CCSER1: variants seen among roughly 807,000 people sequenced by gnomAD.
The protein encoded by CCSER1 is serine-rich coiled-coil domain-containing protein 1.
In CCSER1, 41 loss-of-function variants were observed where a neutral mutation model predicts 82.0. The ratio of observed to expected loss-of-function variants is 0.50; its 90% CI spans 0.39 to 0.65. The LOEUF (loss-of-function observed/expected upper bound fraction) is 0.65, where lower values mean the gene tolerates loss of function less well. Ranked by LOEUF, CCSER1 falls within the 30% of genes least tolerant of loss-of-function variation. CCSER1 has a pLI of 0.00. For missense variants in CCSER1, 1,119 were observed against 1,064.2 expected, an observed-to-expected ratio of 1.05 and a Z score of -0.72; for synonymous variants, 414 against 383.9, an observed-to-expected ratio of 1.08 and a Z score of -0.92.
chr4:91,325,028 G>A (rs1431599430), intron 10 of CCSER1: 3 of 373,880 alleles, frequency 8.0e-6, no homozygotes, highest in Admixed American at 7.2e-5. Flanking sequence ...GATAGTGAAT[G>A]GAAATGCAAA....
intron 10 of CCSER1, among the ~76,000 whole-genome samples, chr4:91,263,125 T>C (rs562835863): frequency 3.3e-5 from 5 of 152,206 alleles, no homozygotes; most frequent in Non-Finnish European, 5.9e-5. Context: ...TATGTGTGTA[T>C]AGTTAAATTT....
chr4:90,309,476 G>C lies in CCSER1; in HGVS notation c.1192G>C (p.Glu398Gln). ...CTCCCCAAGGAAACTTGGATTTTAT[G>C]AGCAACATAAAGCAATAGCGGAACA... ...TNSPRKLGFY[E>Q]QHKAIAEHVK... The change falls in exon 2 of 11, where the codon GAG (glutamate) becomes CAG (glutamine). Residue 398 changes from glutamate (E) to glutamine (Q), a missense_variant. By Grantham distance (29) the Glu-to-Gln change is conservative. Transcript: ENST00000509176. 1 of 1,613,834 alleles carries C rather than the reference G, an allele frequency of 6.2e-7. No individual in the cohort carries two copies.
At chr4:91,391,660 C>T (rs1751659170) in intron 10 of CCSER1, among the ~76,000 whole-genome samples, 1 of 152,136 alleles carries the variant, frequency 6.6e-6, no homozygotes, top group East Asian at 1.9e-4. Flanking sequence ...GATTTGCCAG[C>T]AGTCTGTTGC....
intron 3 of CCSER1, among the ~76,000 whole-genome samples, chr4:90,384,124 C>T (rs28684094): frequency 0.37 from 55,243 of 151,186 alleles, 10,597 homozygotes; most frequent in African/African-American, 0.47. Context: ...TTGGTGCAAT[C>T]ATTTTATTTT....
At chr4:90,273,747 T>C (rs578213429) in intron 1 of CCSER1, among the ~76,000 whole-genome samples, 11 of 152,150 alleles carry the variant, frequency 7.2e-5, no homozygotes, top group African/African-American at 2.6e-4. Context: ...CAAGCCAAAC[T>C]AGTAGGGATA....
At chr4:90,370,931 G>A (rs1317364334) in intron 3 of CCSER1, among the ~76,000 whole-genome samples, 1 of 151,840 alleles carries the variant, frequency 6.6e-6, no homozygotes, top group East Asian at 1.9e-4. Context: ...ATTAACATTG[G>A]CTTAAATGGC....
intron 6 of CCSER1, among the ~76,000 whole-genome samples, chr4:90,687,493 C>G (rs1735037800): frequency 6.6e-6 from 1 of 151,932 alleles, no homozygotes; most frequent in Non-Finnish European, 1.5e-5. Context: ...GTGACAGCCT[C>G]TTTTGGAAAC....
At chr4:90,781,917 G>A (rs551721052) in intron 7 of CCSER1, 14 of 927,598 alleles carry the variant, frequency 1.5e-5, no homozygotes, top group East Asian at 2.3e-4. Context: ...AGATAAAATC[G>A]TATTGAAGAG....
At chr4:91,197,269 T>C (rs577396647) in intron 10 of CCSER1, among the ~76,000 whole-genome samples, 5 of 152,340 alleles carry the variant, frequency 3.3e-5, no homozygotes, top group African/African-American at 4.8e-5. Flanking sequence ...CTTTTCTCAA[T>C]TGAAGCCTTA....
At chr4:91,040,552 G>A (rs1412975708) in intron 9 of CCSER1, among the ~76,000 whole-genome samples, 1 of 152,312 alleles carries the variant, frequency 6.6e-6, no homozygotes, top group South Asian at 2.1e-4. Flanking sequence ...GGCATCCTAT[G>A]TAGAAGGGAG....
At chr4:90,930,639 A>C (rs965393056) in intron 9 of CCSER1, among the ~76,000 whole-genome samples, 6 of 151,632 alleles carry the variant, frequency 4.0e-5, no homozygotes, top group Non-Finnish European at 5.9e-5. Context: ...AAAAGAAAAA[A>C]AAAGTCCTTA....
chr4:90,612,579 T>A (rs945011631), intron 5 of CCSER1, among the ~76,000 whole-genome samples: 3 of 152,164 alleles, frequency 2.0e-5, no homozygotes, highest in African/African-American at 7.2e-5. Context: ...TTCTGTTGCT[T>A]CCCTCCAAGC....
Position 90,533,303 on chromosome 4 carries a change from G to A in CCSER1, c.1724+64949G>A, listed in dbSNP as rs1346586208. On this transcript the variant is annotated intron_variant, in intron 5 of 10. Coordinates refer to ENST00000509176, the MANE Select transcript of CCSER1 (RefSeq NM_001145065.2). ...GTAGAGACGGGGTTTCACCGTGTTA[G>A]CCAGGATGGTCTCCATCTCCTGACC... 2.6e-5 allele frequency among the ~76,000 whole-genome samples: 4 copies of A among 151,868 alleles called. No homozygotes were observed. The East Asian group carries it at 7.7e-4, about 29-fold the overall frequency.
intron 10 of CCSER1, among the ~76,000 whole-genome samples, chr4:91,256,889 T>C (rs1740732896): frequency 6.6e-6 from 1 of 152,226 alleles, no homozygotes; most frequent in Non-Finnish European, 1.5e-5. Flanking sequence ...TTTCCTCATG[T>C]CATGCTTCTT....
intron 1 of CCSER1, among the ~76,000 whole-genome samples, chr4:90,148,889 G>A (rs1462623524): frequency 6.6e-6 from 1 of 152,090 alleles, no homozygotes; most frequent in East Asian, 1.9e-4. Flanking sequence ...TTGGAATACT[G>A]TCTTTTAACC....
chr4:91,030,480 G>C (rs2150553281), intron 9 of CCSER1, among the ~76,000 whole-genome samples: 1 of 152,218 alleles, frequency 6.6e-6, no homozygotes, highest in Middle Eastern at 3.4e-3. Flanking sequence ...GCTCTGGACA[G>C]ACAGTAAAAG....
intron 10 of CCSER1, among the ~76,000 whole-genome samples, chr4:91,552,947 T>C (rs529800381): frequency 6.6e-6 from 1 of 151,688 alleles, no homozygotes; most frequent in Admixed American, 6.6e-5. Context: ...TCCTTGTCTT[T>C]TTGCTGATCT....
rs371225035 is a variant in CCSER1 at position 90,433,976 on chromosome 4, G to C, written c.1603+33847G>C. Among the ~76,000 whole-genome samples the C allele has an allele frequency of 1.7e-4, 26 of 151,810 alleles. No individual in the cohort carries two copies. The East Asian group carries it at 2.7e-3, about 16-fold the overall frequency. ...ATTTTACCATATTCTCTTTAGGATT[G>C]TTATCATCTTTAAGTTTTTAATATT... On this transcript the variant is annotated intron_variant, in intron 4 of 10. Coordinates refer to ENST00000509176, the MANE Select transcript of CCSER1 (RefSeq NM_001145065.2).
chr4:91,527,471 A>G (rs1760822761), intron 10 of CCSER1, among the ~76,000 whole-genome samples: 1 of 152,232 alleles, frequency 6.6e-6, no homozygotes, highest in Admixed American at 6.5e-5. Flanking sequence ...AAAGAGATCA[A>G]TAAAGGCTAT....
Sources: allele counts gnomAD v4.1 joint callset (sites outside exome capture counted in the v4.1 genomes callset), GRCh38; gene constraint gnomAD v4.1.1; transcripts MANE v1.5; gene names NCBI Gene and HGNC (gene_info 2026-07-23, HGNC 2026-07-21).